CATSPERG: variants seen among roughly 807,000 people sequenced by gnomAD.
CATSPERG encodes the protein cation channel sperm-associated auxiliary subunit gamma.
Under a neutral mutation model 145.0 loss-of-function variants are expected in CATSPERG, and 115 were observed. That is an observed-to-expected ratio of 0.79 (90% CI 0.68 to 0.93). CATSPERG has a LOEUF of 0.93. Ranked by LOEUF, CATSPERG falls within the 40% of genes least tolerant of loss-of-function variation. The pLI is 0.00. For synonymous variants in CATSPERG, 588 were observed against 589.0 expected (o/e 1.00, Z 0.02); for missense variants, 1,296 against 1,490.1 (o/e 0.87, Z 2.14).
chr19:38,341,628 A>G (rs780718890), intron 3 of CATSPERG, among the ~76,000 whole-genome samples: 2 of 152,270 alleles, frequency 1.3e-5, no homozygotes, highest in East Asian at 3.9e-4. Context: ...TGGGCCGGGC[A>G]TAGTGGCTCA....
chr19:38,360,784 C>T lies in CATSPERG; in HGVS notation c.1821C>T (p.Pro607=), dbSNP rs765612370. The T allele has an allele frequency of 6.8e-5, 109 of 1,612,436 alleles. No homozygotes were observed. Among genetic ancestry groups the T allele is most frequent in the Non-Finnish European group, 9.2e-5 (109 of 1,179,504 alleles). Residue 607 remains proline, a synonymous_variant, in exon 16 of 29, where the codon CCC becomes CCT. Transcript: ENST00000409235. ...QKGQLVKRLV[P]VEQLLMYQQH... is the part of the protein sequence containing the mutation. ...GCCAGCTGGTCAAGAGGCTCGTGCC[C>T]GTGGAGCAGCTTCTGATGTATCAAC...
intron 1 of CATSPERG, 198 bp downstream of exon 1, chr19:38,336,073 C>T (rs1448878533): frequency 2.6e-6 from 1 of 390,122 alleles, no homozygotes; most frequent in African/African-American, 2.1e-5. Context: ...AAAGGGGGAG[C>T]CGAACGTGAA....
intron 7 of CATSPERG, among the ~76,000 whole-genome samples, chr19:38,351,639 G>A (rs1189825222): frequency 6.6e-6 from 1 of 150,660 alleles, no homozygotes; most frequent in African/African-American, 2.4e-5. Flanking sequence ...GGGAATGGTG[G>A]CAAGCACCTG....
rs777210626 is a variant in CATSPERG at position 38,368,142 on chromosome 19, G to A, written c.3020+5G>A. 6.2e-7 allele frequency: 1 copy of A among 1,613,636 alleles called. No individual in the cohort carries two copies. The highest frequency in any genetic ancestry group is 8.5e-7 in the Non-Finnish European group (1 of 1,179,590). ...CCACGAGAGCCCAGGCATCGAGTGA[G>A]TGCGTAGCCTGGCCCCTCTTGGCCC... is the stretch of plus-strand genomic sequence containing the variant. On this transcript the variant is annotated splice_donor_5th_base_variant and intron_variant, in intron 26 of 28. Coordinates refer to ENST00000409235, the MANE Select transcript of CATSPERG (RefSeq NM_021185.5).
intron 13 of CATSPERG, 75 bp from the exon 14 acceptor site, chr19:38,359,394 TC>T: frequency 1.1e-6 from 1 of 901,930 alleles, no homozygotes. Context: ...AGTAAGTGGC[TC>T]CCGTGTTATT....
chr19:38,340,652 C>T (rs538327771), intron 3 of CATSPERG, among the ~76,000 whole-genome samples: 8 of 152,080 alleles, frequency 5.3e-5, no homozygotes, highest in Admixed American at 2.0e-4. Flanking sequence ...CAGGGTCTTG[C>T]GCTGTCACCC....
In CATSPERG at chr19:38,367,777, G is replaced by C; in HGVS notation, c.2930+1G>C. The C allele has an allele frequency of 6.2e-7, 1 of 1,613,616 alleles. No homozygotes were observed. Among genetic ancestry groups the C allele is most frequent in the Non-Finnish European group, 8.5e-7 (1 of 1,179,538 alleles). On this transcript the variant is annotated splice_donor_variant, in intron 25 of 28. Coordinates refer to ENST00000409235, the MANE Select transcript of CATSPERG (RefSeq NM_021185.5). LOFTEE classifies it high-confidence loss of function. ...ACCGCTTCAACAGCCCCCTGGACAA[G>C]TAATCCCCGTGGGGTCCCACGTGTA...
In CATSPERG at chr19:38,362,399, C is replaced by G. The variant is rs139135794; in HGVS notation, c.2181C>G (p.Ser727Arg). 3 of 1,614,162 alleles carry G rather than the reference C, an allele frequency of 1.9e-6. No individual in the cohort carries two copies. Among genetic ancestry groups the G allele is most frequent in the Admixed American group, 1.7e-5 (1 of 60,032 alleles). The change falls in exon 19 of 29, where the codon AGC becomes AGG. Residue 727 changes from serine to arginine, a missense_variant. Transcript: ENST00000409235. ...QDQDYYFFLASNWRSAGGVSI... is the reference protein window; with the variant it reads ...QDQDYYFFLARNWRSAGGVSI... ...AGGATTACTACTTCTTCTTGGCGAG[C>G]AATTGGCGAAGCGCGGGCGGCGTGT...
rs1397258167 is a variant in CATSPERG, at chr19:38,360,472, G to A, written c.1609-17G>A. 3.1e-6 allele frequency: 5 copies of A among 1,613,668 alleles called. No homozygotes were observed. Among genetic ancestry groups the A allele is most frequent in the Non-Finnish European group, 4.2e-6 (5 of 1,179,930 alleles). On this transcript the variant is annotated splice_polypyrimidine_tract_variant and intron_variant, in intron 14 of 28. Coordinates refer to ENST00000409235, the MANE Select transcript of CATSPERG (RefSeq NM_021185.5). ...CCATGGTCCTGACACACACACATCC[G>A]GCTGTCATACCCGCAGATCTGGTAC...
chr19:38,343,964 C>G (rs1263779251), intron 4 of CATSPERG, 29 bp from the exon 5 acceptor site: 2 of 1,547,124 alleles, frequency 1.3e-6, no homozygotes, highest in African/African-American at 1.4e-5. Flanking sequence ...GAGGCCCCAG[C>G]AGTTTCAGTG....
At position 38,356,531 on chromosome 19, in the gene CATSPERG, G is replaced by A. The variant is rs1273686070; in HGVS notation, c.1183G>A (p.Glu395Lys). The part of the protein sequence containing the change: ...EMLPRQWSVC[E>K]QIGVTTCSII... ...GCTGCCCAGGCAGTGGTCTGTGTGCGAGCAGATAGGAGGTACTCATTACCC... is the reference window on the plus strand; with the variant it reads ...GCTGCCCAGGCAGTGGTCTGTGTGCAAGCAGATAGGAGGTACTCATTACCC... The change falls in exon 10 of 29, where the codon GAG (glutamate) becomes AAG (lysine). Residue 395 changes from glutamate to lysine, a missense_variant. By Grantham distance (56) the Glu-to-Lys change is moderately conservative. Transcript: ENST00000409235. The A allele has an allele frequency of 1.9e-5, 30 of 1,613,784 alleles. No homozygotes were observed. The highest frequency in any genetic ancestry group is 2.5e-5 in the Non-Finnish European group (29 of 1,179,954).
In CATSPERG at chr19:38,337,658, C is replaced by T. The variant is rs1969865138; in HGVS notation, c.324+12C>T. ...CCTGCGAGGAAAAGGTGAGTGGGTG[C>T]AGCACGGATAGGCTCATTCTATGAG... On this transcript the variant is annotated intron_variant, in intron 3 of 28. Coordinates refer to ENST00000409235, the MANE Select transcript of CATSPERG (RefSeq NM_021185.5). The T allele has an allele frequency of 6.4e-7, 1 of 1,550,448 alleles. No homozygotes were observed. The highest frequency in any genetic ancestry group is 1.2e-5 in the South Asian group (1 of 84,046).
intron 28 of CATSPERG, 48 bp downstream of exon 28, chr19:38,370,306 G>T: frequency 6.5e-7 from 1 of 1,527,900 alleles, no homozygotes. Flanking sequence ...AGGGGCCCAC[G>T]CCTCCATACC....
At chr19:38,370,377 A>T in intron 28 of CATSPERG, 119 bp downstream of exon 28, 1 of 1,392,316 alleles carries the variant, frequency 7.2e-7, no homozygotes, top group Non-Finnish European at 1.0e-6. Context: ...ATGCTGACTG[A>T]ACGCCTGCCA....
At chr19:38,350,369 G>GT (rs1204938398) in intron 7 of CATSPERG, among the ~76,000 whole-genome samples, 1 of 152,040 alleles carries the variant, frequency 6.6e-6, no homozygotes, top group East Asian at 1.9e-4. Context: ...ACATTCCTCT[G>GT]TTTTTTGTTT....
At chr19:38,345,579 A>AC (rs199988352) in intron 6 of CATSPERG, among the ~76,000 whole-genome samples, 3,644 of 150,288 alleles carry the variant, frequency 0.024, 62 homozygotes, top group South Asian at 0.045. Context: ...ATCTCGGCTC[A>AC]CCGCAACCTC....
In CATSPERG at chr19:38,362,258, A is replaced by G; in HGVS notation, c.2143A>G (p.Asn715Asp). ...HDPTWRWWAN[N>D]KQDQDYYFFL... Reference sequence around the variant, plus strand: ...CCCCACCTGGCGCTGGTGGGCGAACAACAAACAAGACCAGGTAGGCGGAGC... The same window carrying G: ...CCCCACCTGGCGCTGGTGGGCGAACGACAAACAAGACCAGGTAGGCGGAGC... Residue 715 changes from asparagine to aspartate, a missense_variant, in exon 18 of 29, where the codon AAC becomes GAC. Asn to Asp is a conservative substitution (Grantham distance 23). Coordinates refer to ENST00000409235, the MANE Select transcript of CATSPERG (RefSeq NM_021185.5). The G allele has an allele frequency of 6.2e-7, 1 of 1,613,074 alleles. No homozygotes were observed. Among genetic ancestry groups the G allele is most frequent in the South Asian group, 1.1e-5 (1 of 91,044 alleles).
chr19:38,353,019 C>T (rs563011161), intron 8 of CATSPERG, among the ~76,000 whole-genome samples: 21 of 131,756 alleles, frequency 1.6e-4, no homozygotes, highest in African/African-American at 4.0e-4. Flanking sequence ...CAGAGCAAGA[C>T]CCTGTTTCAA....
chr19:38,337,304 G>C lies in CATSPERG; in HGVS notation c.70G>C (p.Ala24Pro). The C allele has an allele frequency of 6.4e-7, 1 of 1,551,330 alleles. No individual in the cohort carries two copies. Among genetic ancestry groups the C allele is most frequent in the Non-Finnish European group, 8.7e-7 (1 of 1,146,900 alleles). The change falls in exon 2 of 29, where the codon GCC becomes CCC. Residue 24 changes from alanine (A) to proline (P), a missense_variant. Physicochemically the swap from Ala to Pro is conservative, Grantham distance 27. Transcript: ENST00000409235. ...AGTCCGAGTCGTGCAGGTGCTGTGG[G>C]CCCTGCTGGCAGTGCTCCTGGCGTC... The part of the protein sequence containing the change: ...PRVRVVQVLW[A>P]LLAVLLASWR...
Sources: allele counts gnomAD v4.1 joint callset (sites outside exome capture counted in the v4.1 genomes callset), GRCh38; gene constraint gnomAD v4.1.1; transcripts MANE v1.5; gene names NCBI Gene and HGNC (gene_info 2026-07-23, HGNC 2026-07-21).